The following RNF216 variants were observed in gnomAD, a reference collection of about 807,000 sequenced individuals.
RNF216 encodes E3 ubiquitin-protein ligase RNF216.
RNF216 carries 72 observed loss-of-function variants against 110.8 expected under a neutral mutation model. The observed-to-expected ratio is 0.65, with a 90% CI of 0.54 to 0.79. The LOEUF (loss-of-function observed/expected upper bound fraction) is 0.79, where lower values mean the gene tolerates loss of function less well. Among genes scored for constraint, RNF216 ranks in the 30% least tolerant of loss-of-function variants. RNF216 has a pLI of 0.00. For synonymous variants in RNF216, 495 were observed against 407.5 expected (o/e 1.21, Z -2.59); for missense variants, 1,342 against 1,141.2 (o/e 1.18, Z -2.54).
intron 9 of RNF216, among the ~76,000 whole-genome samples, 194 bp from the exon 10 acceptor site, chr7:5,716,960 A>G (rs1275540409): frequency 6.6e-6 from 1 of 152,226 alleles, no homozygotes; most frequent in Non-Finnish European, 1.5e-5. Context: ...AATATTTCTT[A>G]AGTATGACTC....
chr7:5,699,077 C>A (rs1387480114), intron 13 of RNF216, among the ~76,000 whole-genome samples: 2 of 151,980 alleles, frequency 1.3e-5, no homozygotes, highest in African/African-American at 4.8e-5. Context: ...AAATTTTAAA[C>A]ATATACAAAA....
chr7:5,761,464 T>C (rs1795929576), intron 1 of RNF216, among the ~76,000 whole-genome samples: 1 of 152,156 alleles, frequency 6.6e-6, no homozygotes, highest in African/African-American at 2.4e-5. Context: ...TCAACCTCAC[T>C]AATAATCAGG....
Position 5,622,354 on chromosome 7 carries a change from G to C in RNF216, c.*506C>G, listed in dbSNP as rs887499837. 4 of 155,712 alleles carry C rather than the reference G, an allele frequency of 2.6e-5. No individual in the cohort carries two copies. Among genetic ancestry groups the C allele is most frequent in the African/African-American group, 9.6e-5 (4 of 41,572 alleles). 9.6% of individuals were successfully genotyped at this position (155,712 alleles called of 1,614,324 possible). A position where few individuals can be genotyped will look rare whatever the true frequency, so the allele number is the denominator to read the frequency against. Reference sequence around the variant, plus strand: ...CGCACGGGTTTTGGATGGGGGGACAGCATCTTGGCCCTCACAGCTGTGGCA... The same window carrying C: ...CGCACGGGTTTTGGATGGGGGGACACCATCTTGGCCCTCACAGCTGTGGCA... On this transcript the variant is annotated 3_prime_UTR_variant, in exon 17 of 17. Coordinates refer to ENST00000389902, the MANE Select transcript of RNF216 (RefSeq NM_207111.4).
intron 13 of RNF216, among the ~76,000 whole-genome samples, chr7:5,694,722 A>G (rs762576658): frequency 7.9e-5 from 12 of 152,184 alleles, no homozygotes; most frequent in Admixed American, 2.6e-4. Flanking sequence ...TGGAAAGTAC[A>G]TTCTCTGTAG....
At chr7:5,649,362 C>G (rs559209772) in intron 14 of RNF216, among the ~76,000 whole-genome samples, 36 of 147,850 alleles carry the variant, frequency 2.4e-4, no homozygotes, top group African/African-American at 8.9e-4. Flanking sequence ...ACCTAGGTGA[C>G]AGACGGAGAC....
chr7:5,638,209 C>T (rs956329554), intron 15 of RNF216, among the ~76,000 whole-genome samples: 1 of 152,198 alleles, frequency 6.6e-6, no homozygotes, highest in Non-Finnish European at 1.5e-5. Context: ...CTTCCTGTTT[C>T]TTTTCTTCCA....
chr7:5,671,956 G>C (rs998636401), intron 13 of RNF216, among the ~76,000 whole-genome samples: 42 of 152,124 alleles, frequency 2.8e-4, no homozygotes, highest in African/African-American at 1.0e-3. Flanking sequence ...CTTCATTTCA[G>C]ATTTCTAGCT....
chr7:5,739,224 A>G (rs992009916), intron 5 of RNF216, 52 bp downstream of exon 5: 8 of 1,472,516 alleles, frequency 5.4e-6, no homozygotes, highest in Non-Finnish European at 7.2e-6. Flanking sequence ...TTTATTACAT[A>G]TATTTTACCA....
intron 13 of RNF216, among the ~76,000 whole-genome samples, chr7:5,675,740 G>A (rs968407457): frequency 2.1e-5 from 3 of 141,932 alleles, no homozygotes; most frequent in Non-Finnish European, 3.0e-5. Context: ...GTGGAGTTTC[G>A]CTCTTGTTGC....
At chr7:5,643,296 T>C (rs762476962) in intron 14 of RNF216, among the ~76,000 whole-genome samples, 1 of 151,888 alleles carries the variant, frequency 6.6e-6, no homozygotes, top group Non-Finnish European at 1.5e-5. Context: ...GGTGACTACC[T>C]AGCCAGTAAT....
chr7:5,624,783 C>A lies in RNF216; in HGVS notation c.2383-658G>T, dbSNP rs1454519847. Reference sequence around the variant, plus strand: ...AAGCCTCAGACACGAACCGAAGAGGCACTGTGAGTGCAGGCAGATGTGGGA... The same window carrying A: ...AAGCCTCAGACACGAACCGAAGAGGAACTGTGAGTGCAGGCAGATGTGGGA... On this transcript the variant is annotated intron_variant, in intron 15 of 16. Coordinates refer to ENST00000389902, the MANE Select transcript of RNF216 (RefSeq NM_207111.4). The surrounding 1 kb of genome is among the most constrained non-coding windows in gnomAD (Gnocchi z 4.4). Among the ~76,000 whole-genome samples the A allele has an allele frequency of 1.3e-5, 2 of 152,234 alleles. No individual in the cohort carries two copies. The highest frequency in any genetic ancestry group is 2.9e-5 in the Non-Finnish European group (2 of 68,052).
At chr7:5,743,934 T>C (rs1473973206) in intron 3 of RNF216, among the ~76,000 whole-genome samples, 3 of 152,308 alleles carry the variant, frequency 2.0e-5, no homozygotes, top group East Asian at 3.9e-4. Flanking sequence ...AGATCCTCTA[T>C]AGAGAAACAA....
intron 13 of RNF216, among the ~76,000 whole-genome samples, chr7:5,676,786 C>A (rs943520726): frequency 3.9e-5 from 6 of 152,206 alleles, no homozygotes; most frequent in Non-Finnish European, 8.8e-5. Context: ...AGCCACGACA[C>A]AGAAAAGCCA....
intron 2 of RNF216, among the ~76,000 whole-genome samples, chr7:5,756,387 C>T (rs975548596): frequency 6.6e-6 from 1 of 152,164 alleles, no homozygotes; most frequent in South Asian, 2.1e-4. Flanking sequence ...TGAATAGTTG[C>T]AACAGAAACC....
At chr7:5,720,185 C>T (rs898962889) in intron 9 of RNF216, among the ~76,000 whole-genome samples, 2 of 152,136 alleles carry the variant, frequency 1.3e-5, no homozygotes, top group Non-Finnish European at 2.9e-5. Context: ...GCTTGATCAA[C>T]AGAGATGTGA....
chr7:5,651,824 C>G (rs895697338), intron 14 of RNF216, among the ~76,000 whole-genome samples: 1 of 152,010 alleles, frequency 6.6e-6, no homozygotes, highest in South Asian at 2.1e-4. Context: ...AATTTTTGTA[C>G]TTTTAGTAGA....
At chr7:5,746,714 T>TAG (rs1795048933) in intron 3 of RNF216, among the ~76,000 whole-genome samples, 2 of 152,338 alleles carry the variant, frequency 1.3e-5, no homozygotes, top group South Asian at 4.1e-4. Flanking sequence ...TGCCTTCTGG[T>TAG]AGTCTTGCCT....
rs570729626 is a variant in RNF216 at position 5,711,670 on chromosome 7, G to A, written c.2061+91C>T. The A allele has an allele frequency of 3.4e-4, 324 of 962,356 alleles. 1 individual carries two copies. The highest frequency in any genetic ancestry group is 5.2e-4 in the East Asian group (20 of 38,312). The allele number at this position is 962,356 out of a possible 1,614,324, so 59.6% of individuals were successfully genotyped here. ...GCACTCAAATCCTTCTTATACATCA[G>A]CAGTCAGGTAAACAGCAGATATTTG... On this transcript the variant is annotated intron_variant, in intron 13 of 16. Transcript: ENST00000389902.
At chr7:5,737,691 C>G (rs974091834) in intron 5 of RNF216, among the ~76,000 whole-genome samples, 1 of 152,140 alleles carries the variant, frequency 6.6e-6, no homozygotes, top group Non-Finnish European at 1.5e-5. Flanking sequence ...AGGGGCCCTT[C>G]CTTCTCAGCC....
Sources: allele counts gnomAD v4.1 joint callset (sites outside exome capture counted in the v4.1 genomes callset), GRCh38; gene constraint gnomAD v4.1.1; non-coding constraint Gnocchi (gnomAD v3.1); transcripts MANE v1.5; gene names NCBI Gene and HGNC (gene_info 2026-07-23, HGNC 2026-07-21).